Variants in CEP162 observed in about 807,000 individuals in gnomAD.
CEP162 encodes the protein centrosomal protein 162.
In CEP162, 141 loss-of-function variants were observed where a neutral mutation model predicts 169.2. The observed-to-expected ratio is 0.83, with a 90% CI of 0.73 to 0.96. The LOEUF (loss-of-function observed/expected upper bound fraction) is 0.96, where lower values mean the gene tolerates loss of function less well. Among genes scored for constraint, CEP162 ranks in the 40% least tolerant of loss-of-function variants. The pLI, the probability that CEP162 is intolerant of heterozygous loss-of-function variation, is 0.00. For missense variants in CEP162, 1,600 were observed against 1,587.2 expected (o/e 1.01, Z -0.14); for synonymous variants, 540 against 526.4 (o/e 1.03, Z -0.35).
chr6:84,195,654 GT>G (rs1205542869), intron 9 of CEP162, among the ~76,000 whole-genome samples: 2 of 151,834 alleles, frequency 1.3e-5, no homozygotes, highest in Admixed American at 1.3e-4. Context: ...GTCAAACATT[GT>G]TTTTTTTCCT....
chr6:84,166,243 A>G (rs995175860), intron 18 of CEP162, among the ~76,000 whole-genome samples: 1 of 152,050 alleles, frequency 6.6e-6, no homozygotes, highest in Non-Finnish European at 1.5e-5. Context: ...GTCTTTACCC[A>G]CTTATGCTTC....
rs150355382 is a variant in CEP162 at position 84,153,021 on chromosome 6, A to C, written c.3153T>G (p.Val1051=). ...TVRNLEAEID[V]LKHQNAELDV... is the part of the protein sequence containing the mutation. ...CTAATTCAGCATTCTGATGTTTAAG[A>C]ACGTCTATTTCGGCTTCAAGGTTTC... The change falls in exon 23 of 27, where the codon GTT becomes GTG. Residue 1051 remains valine (V), a synonymous_variant. Transcript: ENST00000403245. 1,342 of 1,613,512 alleles carry C rather than the reference A, an allele frequency of 8.3e-4. 14 individuals carry two copies. The African/African-American group carries it at 0.016, about 19-fold the overall frequency.
chr6:84,131,115 C>A (rs1012949243), intron 25 of CEP162, among the ~76,000 whole-genome samples: 1 of 152,140 alleles, frequency 6.6e-6, no homozygotes, highest in African/African-American at 2.4e-5. Flanking sequence ...CATTATTTAT[C>A]CAGTAGTCCT....
chr6:84,138,045 T>A (rs1474349309), intron 25 of CEP162, among the ~76,000 whole-genome samples: 1 of 152,260 alleles, frequency 6.6e-6, no homozygotes, highest in East Asian at 1.9e-4. Context: ...CTTTGCTTTA[T>A]GCTGAAAACT....
At chr6:84,213,085 T>C (rs2099550143) in intron 5 of CEP162, 61 bp from the exon 6 acceptor site, 1 of 1,000,332 alleles carries the variant, frequency 1.0e-6, no homozygotes, top group Non-Finnish European at 1.5e-6. Context: ...CATGCAACTC[T>C]TTCTGTATAC....
rs765184730 is a variant in CEP162, at chr6:84,161,928, CAAT to C, written c.2513-22_2513-20del. The C allele has an allele frequency of 2.9e-6, 4 of 1,399,388 alleles. No homozygotes were observed. Among genetic ancestry groups the C allele is most frequent in the Admixed American group, 4.5e-5 (2 of 43,988 alleles). The allele number at this position is 1,399,388 out of a possible 1,614,324, so 86.7% of individuals were successfully genotyped here. ...TTCTCACCTATAAGATACAGTAACTCAATAACCTGCTTGTTGTTCTCCAAAATA... is the reference window on the plus strand; with the variant it reads ...TTCTCACCTATAAGATACAGTAACTCAACCTGCTTGTTGTTCTCCAAAATA... On this transcript the variant is annotated intron_variant, in intron 19 of 26. Coordinates refer to ENST00000403245, the MANE Select transcript of CEP162 (RefSeq NM_014895.4).
Position 84,153,050 on chromosome 6 carries a change from C to G in CEP162, c.3124G>C (p.Val1042Leu), listed in dbSNP as rs774535232. The part of the protein sequence containing the change: ...DDIKEAHQIT[V>L]RNLEAEIDVL... ...TCTATTTCGGCTTCAAGGTTTCTTA[C>G]AGTGATCTGATGGGCTTCCTTGATG... The change falls in exon 23 of 27, where the codon GTA becomes CTA. Residue 1042 changes from valine to leucine, a missense_variant. Coordinates refer to ENST00000403245, the MANE Select transcript of CEP162 (RefSeq NM_014895.4). 1 of 1,613,494 alleles carries G rather than the reference C, an allele frequency of 6.2e-7. No homozygotes were observed. Among genetic ancestry groups the G allele is most frequent in the South Asian group, 1.1e-5 (1 of 91,056 alleles).
Position 84,152,224 on chromosome 6 carries a change from A to G in CEP162, c.3629+321T>C, listed in dbSNP as rs113915639. Among the ~76,000 whole-genome samples, 527 of 152,326 alleles carry G rather than the reference A, an allele frequency of 3.5e-3. 3 individuals carry two copies. Among genetic ancestry groups the G allele is most frequent in the African/African-American group, 0.012 (511 of 41,584 alleles). On this transcript the variant is annotated intron_variant, in intron 23 of 26. Coordinates refer to ENST00000403245, the MANE Select transcript of CEP162 (RefSeq NM_014895.4). ...AATCTGTCTATAGCAATAATAAACT[A>G]TGACATTCCTTTGCTAGAAGAGCCC...
intron 2 of CEP162, among the ~76,000 whole-genome samples, chr6:84,224,981 G>A (rs990234395): frequency 6.6e-5 from 10 of 152,096 alleles, no homozygotes; most frequent in African/African-American, 2.2e-4. Context: ...ATTGGTAGAT[G>A]CTTTTTTAAA....
Position 84,169,328 on chromosome 6 carries a change from C to T in CEP162, c.2385G>A (p.Gln795=), listed in dbSNP as rs767681646. ...TAGTCAAAATCGTTATGCAACTTAC[C>T]TGTGCCATCCGTAGTTCTGCTAACA... ...TDLLAELRMA[Q]KEKDSLLEDI... is the part of the protein sequence containing the mutation. The change falls in exon 18 of 27, where the codon CAG becomes CAA. Residue 795 remains glutamine (Q), a splice_region_variant and synonymous_variant. Transcript: ENST00000403245. 3 of 1,532,408 alleles carry T rather than the reference C, an allele frequency of 2.0e-6. No homozygotes were observed. Among genetic ancestry groups the T allele is most frequent in the Admixed American group, 2.0e-5 (1 of 50,812 alleles). 94.9% of individuals were successfully genotyped at this position (1,532,408 alleles called of 1,614,324 possible).
chr6:84,195,225 A>C (rs1453922880), intron 9 of CEP162, 150 bp from the exon 10 acceptor site: 6 of 652,410 alleles, frequency 9.2e-6, no homozygotes, highest in Middle Eastern at 4.1e-4. Flanking sequence ...ACCAGCATGG[A>C]TTCATAGCAG....
In CEP162 at chr6:84,153,010, T is replaced by C. The variant is rs780888103; in HGVS notation, c.3164A>G (p.Gln1055Arg). 1.9e-6 allele frequency: 3 copies of C among 1,613,638 alleles called. No individual in the cohort carries two copies. Among genetic ancestry groups the C allele is most frequent in the Middle Eastern group, 1.7e-4 (1 of 6,060 alleles). Residue 1055 changes from glutamine to arginine, a missense_variant, in exon 23 of 27, where the codon CAG becomes CGG. Transcript: ENST00000403245. Reference protein sequence around the residue: ...LEAEIDVLKHQNAELDVKKND... With the variant: ...LEAEIDVLKHRNAELDVKKND... ...TTTCTTGACGTCTAATTCAGCATTCTGATGTTTAAGAACGTCTATTTCGGC... is the reference window on the plus strand; with the variant it reads ...TTTCTTGACGTCTAATTCAGCATTCCGATGTTTAAGAACGTCTATTTCGGC...
intron 13 of CEP162, among the ~76,000 whole-genome samples, chr6:84,181,857 C>T (rs1002616324): frequency 6.6e-6 from 1 of 151,900 alleles, no homozygotes; most frequent in Non-Finnish European, 1.5e-5. Context: ...ATATAATATG[C>T]TTTATATTTC....
At chr6:84,138,211 T>A (rs1400760550) in intron 25 of CEP162, among the ~76,000 whole-genome samples, 1 of 152,188 alleles carries the variant, frequency 6.6e-6, no homozygotes, top group South Asian at 2.1e-4. Context: ...AAGGGGAGAC[T>A]CCTCCTTTAA....
intron 25 of CEP162, among the ~76,000 whole-genome samples, chr6:84,132,391 C>T (rs751286177): frequency 6.6e-5 from 10 of 152,084 alleles, no homozygotes; most frequent in Non-Finnish European, 1.0e-4. Context: ...TGTTGTTCTG[C>T]CTTGCTAGGC....
chr6:84,147,111 C>T (rs192297678), intron 24 of CEP162, among the ~76,000 whole-genome samples: 33 of 151,818 alleles, frequency 2.2e-4, no homozygotes, highest in Admixed American at 9.9e-4. Context: ...CATCAACAGA[C>T]GAAAAGAAAT....
At chr6:84,213,152 C>G in intron 5 of CEP162, 128 bp from the exon 6 acceptor site, 1 of 511,284 alleles carries the variant, frequency 2.0e-6, no homozygotes, top group Non-Finnish European at 3.3e-6. Context: ...TTTGTTCTAT[C>G]AAAAGCTAAA....
At chr6:84,157,123 A>G (rs1295753535) in intron 21 of CEP162, among the ~76,000 whole-genome samples, 1 of 152,218 alleles carries the variant, frequency 6.6e-6, no homozygotes, top group Non-Finnish European at 1.5e-5. Flanking sequence ...AAAATAAAAC[A>G]GTAAAATTTT....
At chr6:84,160,530 A>C (rs2129208529) in intron 21 of CEP162, among the ~76,000 whole-genome samples, 1 of 152,306 alleles carries the variant, frequency 6.6e-6, no homozygotes, top group Non-Finnish European at 1.5e-5. Flanking sequence ...CCAGAGTTCC[A>C]AAATTCTACT....
Sources: gnomAD v4.1 joint callset for allele counts (sites outside exome capture counted in the v4.1 genomes callset) on GRCh38, gnomAD v4.1.1 for gene constraint, MANE v1.5 for transcripts, NCBI Gene and HGNC (gene_info 2026-07-23, HGNC 2026-07-21) for gene names.